RNF13: variants seen among roughly 807,000 people sequenced by gnomAD.
RNF13 encodes ring finger protein 13, also known as E3 ubiquitin-protein ligase RNF13.
A neutral mutation model predicts 37.7 loss-of-function variants in RNF13; 19 were observed. The ratio of observed to expected loss-of-function variants is 0.50; its 90% confidence interval spans 0.35 to 0.74. The LOEUF (loss-of-function observed/expected upper bound fraction) is 0.74, where lower values mean the gene tolerates loss of function less well. Among genes scored for constraint, RNF13 ranks in the 30% least tolerant of loss-of-function variants. The pLI is 0.01. For missense variants in RNF13, 375 were observed against 453.0 expected (o/e 0.83, Z 1.56); for synonymous variants, 144 against 157.8 (o/e 0.91, Z 0.65).
chr3:149,942,479 T>G (rs536959690), intron 8 of RNF13, among the ~76,000 whole-genome samples: 4 of 152,178 alleles, frequency 2.6e-5, no homozygotes, highest in Non-Finnish European at 5.9e-5. Context: ...TTTTCTTAAT[T>G]TCCTGTTTTG....
chr3:149,831,487 T>C (rs1450505990), intron 1 of RNF13, among the ~76,000 whole-genome samples: 1 of 152,202 alleles, frequency 6.6e-6, no homozygotes, highest in East Asian at 1.9e-4. Flanking sequence ...ATGGACTCTG[T>C]ACCCCCCTTG....
At chr3:149,830,578 T>C (rs896081538) in intron 1 of RNF13, among the ~76,000 whole-genome samples, 1 of 114,516 alleles carries the variant, frequency 8.7e-6, no homozygotes, top group Non-Finnish European at 1.7e-5. Context: ...GTTTTATTCA[T>C]TCACAAAAAT....
chr3:149,892,673 G>A (rs915436882), intron 4 of RNF13, among the ~76,000 whole-genome samples: 1 of 152,162 alleles, frequency 6.6e-6, no homozygotes, highest in South Asian at 2.1e-4. Context: ...ATTGTGAACT[G>A]TGCATGCAAG....
chr3:149,858,607 A>G (rs766189856), intron 3 of RNF13, among the ~76,000 whole-genome samples: 3 of 152,204 alleles, frequency 2.0e-5, no homozygotes, highest in Non-Finnish European at 2.9e-5. Context: ...TGATCCATAT[A>G]TACTGTGTTT....
At chr3:149,838,307 C>T (rs2108356744) in intron 1 of RNF13, among the ~76,000 whole-genome samples, 1 of 152,318 alleles carries the variant, frequency 6.6e-6, no homozygotes, top group Admixed American at 6.5e-5. Context: ...GTCCTCTTCT[C>T]ACAGCTCCAC....
In RNF13 at chr3:149,949,728, CT is replaced by C. The variant is rs796954637; in HGVS notation, c.701-10315del. ...CAGATTCTCTTCATTTTCCTTCATT[CT>C]TTTTTTTTTTTTCTTCTCTTCATTT... is the stretch of plus-strand genomic sequence containing the variant. On this transcript the variant is annotated intron_variant, in intron 8 of 9. Transcript: ENST00000392894. 7.1e-3 allele frequency among the ~76,000 whole-genome samples: 1,012 copies of C among 142,782 alleles called. 7 individuals carry two copies. Among genetic ancestry groups the C allele is most frequent in the Non-Finnish European group, 5.8e-3 (375 of 64,844 alleles). 93.7% of individuals were successfully genotyped at this position (142,782 alleles called of 152,430 possible).
intron 5 of RNF13, among the ~76,000 whole-genome samples, chr3:149,901,526 G>A (rs1715839572): frequency 6.6e-6 from 1 of 152,116 alleles, no homozygotes; most frequent in African/African-American, 2.4e-5. Context: ...GGCTTACAAG[G>A]AAATAGAAAC....
At chr3:149,911,835 T>A in intron 6 of RNF13, 143 bp from the exon 7 acceptor site, 1 of 600,768 alleles carries the variant, frequency 1.7e-6, no homozygotes, top group South Asian at 2.1e-5. Flanking sequence ...TTGAAAGTCA[T>A]ATTTTAGAAA....
At chr3:149,887,141 A>C (rs959896017) in intron 4 of RNF13, among the ~76,000 whole-genome samples, 1 of 152,150 alleles carries the variant, frequency 6.6e-6, no homozygotes, top group Non-Finnish European at 1.5e-5. Context: ...GGCAGCAACC[A>C]CGCAATGCAG....
chr3:149,956,434 T>C (rs1386394991), intron 8 of RNF13, among the ~76,000 whole-genome samples: 1 of 152,204 alleles, frequency 6.6e-6, no homozygotes, highest in Non-Finnish European at 1.5e-5. Context: ...ATTTAGTTCA[T>C]GCCACTGCCT....
At chr3:149,910,487 T>C (rs1381267347) in intron 6 of RNF13, among the ~76,000 whole-genome samples, 1 of 152,088 alleles carries the variant, frequency 6.6e-6, no homozygotes, top group African/African-American at 2.4e-5. Flanking sequence ...ATAGAGCCCC[T>C]TGTGTGTGTG....
chr3:149,867,715 G>A (rs900085333), intron 3 of RNF13, among the ~76,000 whole-genome samples: 3 of 151,698 alleles, frequency 2.0e-5, no homozygotes, highest in Admixed American at 6.6e-5. Flanking sequence ...GCATTGTATT[G>A]GGTCTTGTTT....
chr3:149,891,610 G>T (rs1395063755), intron 4 of RNF13, among the ~76,000 whole-genome samples: 1 of 152,176 alleles, frequency 6.6e-6, no homozygotes, highest in Admixed American at 6.5e-5. Flanking sequence ...AATACTCAGT[G>T]CATTTACCAC....
intron 1 of RNF13, among the ~76,000 whole-genome samples, chr3:149,827,577 T>TA (rs1298176214): frequency 6.6e-6 from 1 of 152,128 alleles, no homozygotes; most frequent in African/African-American, 2.4e-5. Flanking sequence ...GATACATCCA[T>TA]AAAATAAAGA....
At chr3:149,891,185 C>T (rs556576252) in intron 4 of RNF13, among the ~76,000 whole-genome samples, 427 of 152,290 alleles carry the variant, frequency 2.8e-3, no homozygotes, top group Non-Finnish European at 4.9e-3. Flanking sequence ...AGGGTAGTTA[C>T]ACTTACCTAT....
intron 1 of RNF13, among the ~76,000 whole-genome samples, chr3:149,835,473 C>T (rs1040792404): frequency 2.6e-5 from 4 of 152,014 alleles, no homozygotes; most frequent in Non-Finnish European, 2.9e-5. Flanking sequence ...ATTCTTATAC[C>T]GTTGCATTCT....
In RNF13 at chr3:149,961,305, C is replaced by T. The variant is rs1399667417; in HGVS notation, c.*201C>T. 2.5e-5 allele frequency: 17 copies of T among 680,638 alleles called. No individual in the cohort carries two copies. Among genetic ancestry groups the T allele is most frequent in the Non-Finnish European group, 4.2e-5 (16 of 377,656 alleles). 42.2% of individuals were successfully genotyped at this position (680,638 alleles called of 1,614,324 possible). A position where few individuals can be genotyped will look rare whatever the true frequency, so the allele number is the denominator to read the frequency against. On this transcript the variant is annotated 3_prime_UTR_variant, in exon 10 of 10. Coordinates refer to ENST00000392894, the MANE Select transcript of RNF13 (RefSeq NM_183381.3). ...TTCATTCACTAATAATAGACTGGTG[C>T]TGTAACTCAAGCATCAATTCAGCTC...
intron 1 of RNF13, among the ~76,000 whole-genome samples, chr3:149,833,067 T>TA (rs1460936288): frequency 6.8e-6 from 1 of 147,420 alleles, no homozygotes; most frequent in Non-Finnish European, 1.5e-5. Flanking sequence ...ACAAGGATAC[T>TA]AAAAAAAGAA....
At chr3:149,866,531 T>A (rs1218498691) in intron 3 of RNF13, among the ~76,000 whole-genome samples, 1 of 152,244 alleles carries the variant, frequency 6.6e-6, no homozygotes, top group African/African-American at 2.4e-5. Context: ...ATGACCTGTG[T>A]CTAGTGCTGA....
Sources: allele counts gnomAD v4.1 joint callset (sites outside exome capture counted in the v4.1 genomes callset), GRCh38; gene constraint gnomAD v4.1.1; transcripts MANE v1.5; gene names NCBI Gene and HGNC (gene_info 2026-07-23, HGNC 2026-07-21).